TRIM7: variants seen among roughly 807,000 people sequenced by gnomAD.
TRIM7 encodes the protein E3 ubiquitin-protein ligase TRIM7.
In TRIM7, 32 loss-of-function variants were observed where a neutral mutation model predicts 37.9. The ratio of observed to expected loss-of-function variants is 0.84; its 90% CI spans 0.64 to 1.13. TRIM7 has a LOEUF of 1.13. Ranked by LOEUF, TRIM7 falls within the 50% of genes most tolerant of loss-of-function variation. The pLI, the probability that TRIM7 is intolerant of heterozygous loss-of-function variation, is 0.00. For missense variants in TRIM7, 732 were observed against 714.0 expected, an observed-to-expected ratio of 1.03 and a Z score of -0.29; for synonymous variants, 351 against 321.3, an observed-to-expected ratio of 1.09 and a Z score of -0.99.
rs1756997550 is a variant in TRIM7, at chr5:181,194,875, C to G, written c.*291G>C. ...GCACCCTTCCCAGTCAGGGCAGAAGCCCCCTGGAGAGCTGGGCTCCTGACC... is the reference window on the plus strand; with the variant it reads ...GCACCCTTCCCAGTCAGGGCAGAAGGCCCCTGGAGAGCTGGGCTCCTGACC... On this transcript the variant is annotated 3_prime_UTR_variant, in exon 7 of 7. Transcript: ENST00000274773. 2.8e-6 allele frequency: 1 copy of G among 353,080 alleles called. No homozygotes were observed. Among genetic ancestry groups the G allele is most frequent in the Non-Finnish European group, 5.1e-6 (1 of 195,754 alleles). 21.9% of individuals were successfully genotyped at this position (353,080 alleles called of 1,614,324 possible). A position where few individuals can be genotyped will look rare whatever the true frequency, so the allele number is the denominator to read the frequency against.
intron 2 of TRIM7, chr5:181,200,681 T>C (rs2113077412): frequency 2.0e-6 from 2 of 995,820 alleles, no homozygotes; most frequent in South Asian, 4.4e-5. Flanking sequence ...GGCATGCAAG[T>C]GTCATATTCT....
intron 3 of TRIM7, 150 bp downstream of exon 3, chr5:181,199,701 C>G: frequency 7.5e-7 from 1 of 1,337,248 alleles, no homozygotes; most frequent in Non-Finnish European, 9.9e-7. Flanking sequence ...AGACCTCCAA[C>G]CCCAGGAAAA....
At position 181,199,997 on chromosome 5, in the gene TRIM7, G is replaced by A. The variant is rs1757375431; in HGVS notation, c.703C>T (p.Leu235=). ...CGGGACAGTTCCTCCAGGCGGCCTA[G>A]CAGCCGACCCTCCTGCTCCACCAGG... is the stretch of plus-strand genomic sequence containing the variant. ...AFLVEQEGRL[L]GRLEELSREV... Residue 235 remains leucine, a synonymous_variant, in exon 3 of 7, where the codon CTA becomes TTA. Coordinates refer to ENST00000274773, the MANE Select transcript of TRIM7 (RefSeq NM_203293.3). The A allele has an allele frequency of 3.1e-6, 5 of 1,614,148 alleles. No individual in the cohort carries two copies. The South Asian group carries it at 4.4e-5, about 14-fold the overall frequency.
At chr5:181,201,557 C>G (rs1350187333) in intron 2 of TRIM7, among the ~76,000 whole-genome samples, 1 of 152,112 alleles carries the variant, frequency 6.6e-6, no homozygotes, top group Non-Finnish European at 1.5e-5. Flanking sequence ...GAGTTCCAGA[C>G]CAGCCTGGGC....
chr5:181,198,090 G>A (rs879186065), intron 6 of TRIM7, 93 bp downstream of exon 6: 150 of 1,437,758 alleles, frequency 1.0e-4, no homozygotes, highest in Middle Eastern at 7.2e-4. Flanking sequence ...TGAAGGAACC[G>A]ACCATATGCA....
rs1276419880 is a variant in TRIM7, at chr5:181,195,629, G to T, written c.1073C>A (p.Ser358Tyr). 1 of 1,553,534 alleles carries T rather than the reference G, an allele frequency of 6.4e-7. No homozygotes were observed. The highest frequency in any genetic ancestry group is 1.2e-5 in the South Asian group (1 of 82,802). Residue 358 changes from serine (S) to tyrosine (Y), a missense_variant, in exon 7 of 7, where the codon TCT (serine) becomes TAT (tyrosine). Coordinates refer to ENST00000274773, the MANE Select transcript of TRIM7 (RefSeq NM_203293.3). ...GAGGCGCACGCCCTTAAGATCCAGA[G>T]AGAGGATGAGGCGCGGGTTGGCCGT... Reference protein sequence around the residue: ...PDTANPRLILSLDLKGVRLGE... With the variant: ...PDTANPRLILYLDLKGVRLGE...
Position 181,197,937 on chromosome 5 carries a change from A to C in TRIM7, c.1024+246T>G, listed in dbSNP as rs1177500979. On this transcript the variant is annotated intron_variant, in intron 6 of 6. Coordinates refer to ENST00000274773, the MANE Select transcript of TRIM7 (RefSeq NM_203293.3). ...TGGCCGAGAAGCCTTTCCCAGTCTG[A>C]GTATCTCGAGGTACAGGGCATTCCT... The C allele has an allele frequency of 7.2e-6, 4 of 552,542 alleles. No homozygotes were observed. The African/African-American group carries it at 7.6e-5, about 11-fold the overall frequency. 34.2% of individuals were successfully genotyped at this position (552,542 alleles called of 1,614,324 possible).
At chr5:181,203,983 G>T (rs887594068) in intron 1 of TRIM7, 7 of 1,069,988 alleles carry the variant, frequency 6.5e-6, no homozygotes, top group Admixed American at 4.9e-5. Flanking sequence ...GGGGACTGCC[G>T]CCCGAGCCTC....
chr5:181,195,451 G>C lies in TRIM7; in HGVS notation c.1251C>G (p.Ser417Arg), dbSNP rs1431841215. The C allele has an allele frequency of 1.2e-6, 2 of 1,610,312 alleles. No individual in the cohort carries two copies. Among genetic ancestry groups the C allele is most frequent in the Admixed American group, 1.7e-5 (1 of 59,672 alleles). The stretch of plus-strand genomic sequence containing the variant: ...AGGGCGTCAGGCCCTTTCGGCGCAC[G>C]CTCTCGCGGGCCACGCCAAAGGCCC... ...DGWAFGVARE[S>R]VRRKGLTPFT... Residue 417 changes from serine to arginine, a missense_variant, in exon 7 of 7, where the codon AGC becomes AGG. Transcript: ENST00000274773.
chr5:181,203,434 C>T, intron 2 of TRIM7, 111 bp downstream of exon 2: 3 of 1,534,350 alleles, frequency 2.0e-6, no homozygotes, highest in South Asian at 2.6e-5. Context: ...TTTCTGAAAT[C>T]GATTCTGCGG....
intron 2 of TRIM7, chr5:181,203,129 A>T: frequency 2.5e-6 from 1 of 399,918 alleles, no homozygotes; most frequent in Non-Finnish European, 3.5e-6. Flanking sequence ...TTTTTTCACT[A>T]CTGTTTTGTT....
chr5:181,199,343 GCTTT>G (rs1220264104), intron 3 of TRIM7: 8 of 597,702 alleles, frequency 1.3e-5, no homozygotes, highest in South Asian at 1.2e-4. Flanking sequence ...CTCTTCACGT[GCTTT>G]CTTTCTATCT....
rs547222324 is a variant in TRIM7 at position 181,199,765 on chromosome 5, A to AC, written c.849+85dup. 8.1e-5 allele frequency: 120 copies of AC among 1,472,424 alleles called. No individual in the cohort carries two copies. In the Admixed American group the frequency reaches 1.6e-3, roughly 20 times the overall value. The allele number at this position is 1,472,424 out of a possible 1,614,324, so 91.2% of individuals were successfully genotyped here. A position where few individuals can be genotyped will look rare whatever the true frequency, so the allele number is the denominator to read the frequency against. On this transcript the variant is annotated intron_variant, in intron 3 of 6. Coordinates refer to ENST00000274773, the MANE Select transcript of TRIM7 (RefSeq NM_203293.3). The stretch of plus-strand genomic sequence containing the variant: ...GCTCCAGATCATGTGATTCTCCTAG[A>AC]CCCCCCAGGACTGACACTGTTCTCT...
At position 181,195,430 on chromosome 5, in the gene TRIM7, C is replaced by T. The variant is rs568470532; in HGVS notation, c.1272G>A (p.Thr424=). Residue 424 remains threonine (T), a synonymous_variant, in exon 7 of 7, where the codon ACG becomes ACA. Coordinates refer to ENST00000274773, the MANE Select transcript of TRIM7 (RefSeq NM_203293.3). ...AGACGCCCTCCTCGGGAGTGAAGGG[C>T]GTCAGGCCCTTTCGGCGCACGCTCT... ...ARESVRRKGL[T]PFTPEEGVWA... 2.6e-5 allele frequency: 42 copies of T among 1,605,072 alleles called. No homozygotes were observed. The South Asian group carries it at 4.3e-4, about 17-fold the overall frequency.
chr5:181,199,189 C>T, intron 3 of TRIM7, 72 bp from the exon 4 acceptor site: 1 of 1,581,406 alleles, frequency 6.3e-7, no homozygotes, highest in Non-Finnish European at 8.7e-7. Context: ...ACAAAGCTTG[C>T]CCCTTGCTGT....
intron 5 of TRIM7, 86 bp downstream of exon 5, chr5:181,198,604 G>T: frequency 1.1e-6 from 1 of 927,730 alleles, no homozygotes; most frequent in African/African-American, 1.7e-5. Context: ...ACAGCTTCTG[G>T]AAAGCACACC....
chr5:181,202,920 T>G (rs1010777170), intron 2 of TRIM7: 2 of 152,358 alleles, frequency 1.3e-5, no homozygotes, highest in Non-Finnish European at 2.9e-5. Flanking sequence ...TGTTCTACCC[T>G]AAGGAAGATA....
intron 1 of TRIM7, chr5:181,203,882 A>G (rs941139839): frequency 9.4e-6 from 12 of 1,279,788 alleles, no homozygotes; most frequent in Non-Finnish European, 2.0e-6. Flanking sequence ...CGGCAGCCCT[A>G]CCCCTAGTCG....
At chr5:181,195,732 CTT>C in intron 6 of TRIM7, 55 bp from the exon 7 acceptor site, 1 of 1,501,078 alleles carries the variant, frequency 6.7e-7, no homozygotes, top group Non-Finnish European at 8.9e-7. Context: ...CTGGCACAGT[CTT>C]TGCAGGGCCG....
Sources: gnomAD v4.1 joint callset for allele counts (sites outside exome capture counted in the v4.1 genomes callset) on GRCh38, gnomAD v4.1.1 for gene constraint, MANE v1.5 for transcripts, NCBI Gene and HGNC (gene_info 2026-07-23, HGNC 2026-07-21) for gene names.